The following ABHD2 variants were observed in gnomAD, a reference collection of about 807,000 sequenced individuals.
The protein encoded by ABHD2 is abhydrolase domain containing 2, acylglycerol lipase.
Under a neutral mutation model 48.1 loss-of-function variants are expected in ABHD2, and 20 were observed. That is an observed-to-expected ratio of 0.42 (90% CI 0.29 to 0.60). The LOEUF (loss-of-function observed/expected upper bound fraction) is 0.60. Among genes scored for constraint, ABHD2 ranks in the 20% least tolerant of loss-of-function variants. ABHD2 has a pLI of 0.24. For missense variants in ABHD2, 405 were observed against 550.9 expected (o/e 0.74, Z 2.65); for synonymous variants, 209 against 214.2 (o/e 0.98, Z 0.21).
At chr15:89,152,926 C>G (rs1236608327) in intron 4 of ABHD2, among the ~76,000 whole-genome samples, 1 of 152,076 alleles carries the variant, frequency 6.6e-6, no homozygotes, top group African/African-American at 2.4e-5. Context: ...CTATAGTATT[C>G]AAAAGCAACT....
chr15:89,044,172 C>G, the ABHD2 span, among the ~76,000 whole-genome samples: 1 of 152,062 alleles, frequency 6.6e-6, no homozygotes, highest in African/African-American at 2.4e-5. Context: ...TTTGTTCTTG[C>G]GATAGTTTAC....
At chr15:89,121,031 C>G (rs2050041842) in intron 3 of ABHD2, among the ~76,000 whole-genome samples, 1 of 152,206 alleles carries the variant, frequency 6.6e-6, no homozygotes, top group Non-Finnish European at 1.5e-5. Flanking sequence ...TGCTACCTGT[C>G]TACTCACGTT....
At chr15:89,148,730 A>C (rs2050539456) in intron 3 of ABHD2, among the ~76,000 whole-genome samples, 1 of 152,234 alleles carries the variant, frequency 6.6e-6, no homozygotes, top group Non-Finnish European at 1.5e-5. Context: ...AGTCCAGATC[A>C]CAAGGAGGGA....
intron 6 of ABHD2, among the ~76,000 whole-genome samples, chr15:89,180,647 C>T (rs1461759351): frequency 2.6e-5 from 4 of 152,188 alleles, no homozygotes; most frequent in Non-Finnish European, 4.4e-5. Flanking sequence ...AGAGGCTCTA[C>T]CATCCCTCCT....
chr15:89,124,519 A>T (rs1000693225), intron 3 of ABHD2, among the ~76,000 whole-genome samples: 1 of 152,172 alleles, frequency 6.6e-6, no homozygotes, highest in African/African-American at 2.4e-5. Context: ...AATTTCTCTT[A>T]ATTCCCTCTT....
At chr15:89,052,308 A>G in the ABHD2 span, among the ~76,000 whole-genome samples, 2 of 152,162 alleles carry the variant, frequency 1.3e-5, no homozygotes, top group Non-Finnish European at 2.9e-5. Context: ...ATTGCATTTA[A>G]TGGCAAAACT....
rs1318555425 is a variant in ABHD2, at chr15:89,116,252, T to C, written c.-6-70T>C. 1 of 1,409,114 alleles carries C rather than the reference T, an allele frequency of 7.1e-7. No homozygotes were observed. The highest frequency in any genetic ancestry group is 2.0e-5 in the Admixed American group (1 of 50,710). 87.3% of individuals were successfully genotyped at this position (1,409,114 alleles called of 1,614,324 possible). A position where few individuals can be genotyped will look rare whatever the true frequency, so the allele number is the denominator to read the frequency against. ...GCAGTATCTCTTAGCCCACCATGCG[T>C]CTGTAGGGTGGTGGGCACCACCCGT... is the stretch of plus-strand genomic sequence containing the variant. On this transcript the variant is annotated intron_variant, in intron 2 of 10. Transcript: ENST00000352732. The surrounding 1 kb of genome is among the most constrained non-coding windows in gnomAD (Gnocchi z 4.6).
chr15:89,072,531 A>G, the ABHD2 span, among the ~76,000 whole-genome samples: 1 of 84,720 alleles, frequency 1.2e-5, no homozygotes, highest in Non-Finnish European at 2.3e-5. Flanking sequence ...CAGGAGGGGG[A>G]GGGGAAGGGG....
At chr15:89,172,951 T>G (rs2050953697) in intron 5 of ABHD2, among the ~76,000 whole-genome samples, 1 of 152,196 alleles carries the variant, frequency 6.6e-6, no homozygotes, top group African/African-American at 2.4e-5. Context: ...GGGTTACTTG[T>G]CATCAAAGAG....
At chr15:89,048,275 G>T in the ABHD2 span, among the ~76,000 whole-genome samples, 1 of 152,150 alleles carries the variant, frequency 6.6e-6, no homozygotes, top group Non-Finnish European at 1.5e-5. Flanking sequence ...TCCGCTGTTA[G>T]TCTGATGGGC....
chr15:89,086,615 A>T (rs180717966), upstream of ABHD2, among the ~76,000 whole-genome samples: 2 of 152,100 alleles, frequency 1.3e-5, no homozygotes, highest in African/African-American at 2.4e-5. Context: ...GGGTCTCACT[A>T]TGTTGCCCAG....
At chr15:89,067,333 G>T in the ABHD2 span, among the ~76,000 whole-genome samples, 4 of 152,204 alleles carry the variant, frequency 2.6e-5, no homozygotes, top group African/African-American at 9.7e-5. Flanking sequence ...GAAGCATATG[G>T]AACATGTTCT....
At chr15:89,082,088 C>G in the ABHD2 span, among the ~76,000 whole-genome samples, 1 of 152,128 alleles carries the variant, frequency 6.6e-6, no homozygotes, top group Non-Finnish European at 1.5e-5. The surrounding 1 kb of genome is among the most constrained non-coding windows in gnomAD (Gnocchi z 4.4). Flanking sequence ...AGGTCAACAG[C>G]ACCCCTGCAG....
At position 89,132,646 on chromosome 15, in the gene ABHD2, A is replaced by G. The variant is rs141870190; in HGVS notation, c.194+16125A>G. On this transcript the variant is annotated intron_variant, in intron 3 of 10. Transcript: ENST00000352732. ...ATATGAAATTAAGAGGACTCTGAAT[A>G]TGCATTTCATCTTTCATAGTTTTGA... Among the ~76,000 whole-genome samples, 6 of 152,356 alleles carry G rather than the reference A, an allele frequency of 3.9e-5. No homozygotes were observed. In the East Asian group the frequency reaches 1.2e-3, roughly 29 times the overall value.
chr15:89,130,737 T>G (rs904637782), intron 3 of ABHD2, among the ~76,000 whole-genome samples: 1 of 152,200 alleles, frequency 6.6e-6, no homozygotes, highest in African/African-American at 2.4e-5. Context: ...TCTTAAAATA[T>G]TATGAGATTT....
At chr15:89,093,008 T>C (rs113214646) in intron 1 of ABHD2, among the ~76,000 whole-genome samples, 1,820 of 152,094 alleles carry the variant, frequency 0.012, 32 homozygotes, top group African/African-American at 0.042. Context: ...AAGGGAGAGC[T>C]GGGGCACTGG....
chr15:89,085,970 G>C (rs917620715), upstream of ABHD2, among the ~76,000 whole-genome samples: 10 of 151,974 alleles, frequency 6.6e-5, no homozygotes, highest in Non-Finnish European at 1.0e-4. This position sits in a 1 kb window ranked among gnomAD's most constrained non-coding sequence, Gnocchi z 4.2. Context: ...GAAAACTGTG[G>C]ATCAGAACCA....
At position 89,151,250 on chromosome 15, in the gene ABHD2, G is replaced by T. The variant is rs962921002; in HGVS notation, c.195-427G>T. ...AACCACTACAGCTGTGGCCTGTCTCGTTAGGGAAAGAAGAAGTGAGCTTTT... is the reference window on the plus strand; with the variant it reads ...AACCACTACAGCTGTGGCCTGTCTCTTTAGGGAAAGAAGAAGTGAGCTTTT... On this transcript the variant is annotated intron_variant, in intron 3 of 10. Transcript: ENST00000352732. The surrounding 1 kb of genome is among the most constrained non-coding windows in gnomAD (Gnocchi z 4.7). Among the ~76,000 whole-genome samples the T allele has an allele frequency of 6.6e-6, 1 of 152,232 alleles. No individual in the cohort carries two copies.
At chr15:89,183,612 C>G (rs1181531018) in intron 6 of ABHD2, among the ~76,000 whole-genome samples, 1 of 151,822 alleles carries the variant, frequency 6.6e-6, no homozygotes, top group Non-Finnish European at 1.5e-5. Flanking sequence ...CTGATCCCTC[C>G]CTGAGCCCTG....
Sources: allele counts gnomAD v4.1 joint callset (sites outside exome capture counted in the v4.1 genomes callset), GRCh38; gene constraint gnomAD v4.1.1; non-coding constraint Gnocchi (gnomAD v3.1); transcripts MANE v1.5; gene names NCBI Gene and HGNC (gene_info 2026-07-23, HGNC 2026-07-21).